Variants in SNX17 observed in about 807,000 individuals in gnomAD.
The protein encoded by SNX17 is sorting nexin 17, also known as sorting nexin-17.
In SNX17, 35 loss-of-function variants were observed where a neutral mutation model predicts 64.3. That is an observed-to-expected ratio of 0.54 (90% CI 0.42 to 0.72). SNX17 has a LOEUF of 0.72. Ranked by LOEUF, SNX17 falls within the 30% of genes least tolerant of loss-of-function variation. The pLI, the probability that SNX17 is intolerant of heterozygous loss-of-function variation, is 0.00. For synonymous variants in SNX17, 259 were observed against 230.2 expected, an observed-to-expected ratio of 1.13 and a Z score of -1.13; for missense variants, 538 against 610.0, an observed-to-expected ratio of 0.88 and a Z score of 1.24.
At position 27,375,400 on chromosome 2, in the gene SNX17, A is replaced by ATAAATCCTC. The variant is rs1683090011; in HGVS notation, c.775-106_775-105insTAAATCCTC. On this transcript the variant is annotated intron_variant, in intron 9 of 14. Transcript: ENST00000233575. This position sits in a 1 kb window ranked among gnomAD's most constrained non-coding sequence, Gnocchi z 4.1. ...TGATCTGTCTGCCTCTGCCTCCTAA[A>ATAAATCCTC]GTGCTGGGATTATAGGCATGAGCCA... The ATAAATCCTC allele has an allele frequency of 1.0e-5, 12 of 1,189,920 alleles. No individual in the cohort carries two copies. Among genetic ancestry groups the ATAAATCCTC allele is most frequent in the Non-Finnish European group, 1.5e-5 (12 of 820,632 alleles). The allele number at this position is 1,189,920 out of a possible 1,614,324, so 73.7% of individuals were successfully genotyped here.
At chr2:27,374,957 T>C (rs1683020617) in intron 8 of SNX17, 104 bp from the exon 9 acceptor site, 1 of 1,139,030 alleles carries the variant, frequency 8.8e-7, no homozygotes. Flanking sequence ...GAGAGGTCGC[T>C]CAAGTGTGGG....
At chr2:27,371,196 C>T (rs1682484550) in intron 1 of SNX17, 73 bp from the exon 2 acceptor site, 8 of 1,422,402 alleles carry the variant, frequency 5.6e-6, no homozygotes, top group Non-Finnish European at 7.9e-6. Flanking sequence ...TGCCAGGCAA[C>T]TTCCGGCCAG....
Position 27,375,562 on chromosome 2 carries a change from T to C in SNX17, c.831T>C (p.Cys277=), listed in dbSNP as rs1683112191. ...ATGGCTACTTGCGCTTTGATGCCTGTGTGGCTGACTTCCCAGAAAAGGACT... is the reference window on the plus strand; with the variant it reads ...ATGGCTACTTGCGCTTTGATGCCTGCGTGGCTGACTTCCCAGAAAAGGACT... ...RHYGYLRFDA[C]VADFPEKDCP... is the part of the protein sequence containing the mutation. Residue 277 remains cysteine, a synonymous_variant, in exon 10 of 15, where the codon TGT becomes TGC. Transcript: ENST00000233575. The surrounding 1 kb of genome is among the most constrained non-coding windows in gnomAD (Gnocchi z 4.1). 1 of 1,614,090 alleles carries C rather than the reference T, an allele frequency of 6.2e-7. No individual in the cohort carries two copies. The highest frequency in any genetic ancestry group is 1.3e-5 in the African/African-American group (1 of 74,930).
chr2:27,375,270 C>G lies in SNX17; in HGVS notation c.774+117C>G. The G allele has an allele frequency of 2.9e-6, 3 of 1,028,204 alleles. No individual in the cohort carries two copies. The highest frequency in any genetic ancestry group is 1.5e-5 in the South Asian group (1 of 67,370). 63.7% of individuals were successfully genotyped at this position (1,028,204 alleles called of 1,614,324 possible). A position where few individuals can be genotyped will look rare whatever the true frequency, so the allele number is the denominator to read the frequency against. Reference sequence around the variant, plus strand: ...TCTCCCGCCTCAGCCTCCCGAGTAGCTGGGACTACAGGCACCCGCCACGAC... The same window carrying G: ...TCTCCCGCCTCAGCCTCCCGAGTAGGTGGGACTACAGGCACCCGCCACGAC... On this transcript the variant is annotated intron_variant, in intron 9 of 14. Transcript: ENST00000233575. The surrounding 1 kb of genome is among the most constrained non-coding windows in gnomAD (Gnocchi z 4.1).
intron 8 of SNX17, 77 bp downstream of exon 8, chr2:27,374,835 C>T (rs1309274611): frequency 3.0e-5 from 41 of 1,389,516 alleles, no homozygotes; most frequent in South Asian, 7.0e-5. Flanking sequence ...AAACTGCTGT[C>T]GTGTCTTTGT....
chr2:27,375,441 GT>G lies in SNX17; in HGVS notation c.775-63del. On this transcript the variant is annotated intron_variant, in intron 9 of 14. Coordinates refer to ENST00000233575, the MANE Select transcript of SNX17 (RefSeq NM_014748.4). This position sits in a 1 kb window ranked among gnomAD's most constrained non-coding sequence, Gnocchi z 4.1. ...GCATGAGCCACCGCGCCCGACCGGG[GT>G]TGCTTTTTCTGAGCTGCCCCATTCT... The G allele has an allele frequency of 6.3e-7, 1 of 1,584,290 alleles. No homozygotes were observed. Among genetic ancestry groups the G allele is most frequent in the Non-Finnish European group, 8.6e-7 (1 of 1,156,070 alleles).
rs777601214 is a variant in SNX17, at chr2:27,375,530, C to T, written c.799C>T (p.Arg267Trp). The part of the protein sequence containing the change: ...KEFLRLAQTL[R>W]HYGYLRFDAC... ...GTTCCTGAGACTGGCCCAGACGCTG[C>T]GGCACTATGGCTACTTGCGCTTTGA... Residue 267 changes from arginine (R) to tryptophan (W), a missense_variant, in exon 10 of 15, where the codon CGG (arginine) becomes TGG (tryptophan). Physicochemically the swap from Arg to Trp is moderately radical, Grantham distance 101. Transcript: ENST00000233575. The surrounding 1 kb of genome is among the most constrained non-coding windows in gnomAD (Gnocchi z 4.1). The T allele has an allele frequency of 4.3e-6, 7 of 1,613,986 alleles. No homozygotes were observed. In the African/African-American group the frequency reaches 5.3e-5, roughly 12 times the overall value.
rs1300071166 is a variant in SNX17 at position 27,377,265 on chromosome 2, TGAAATAA to T, written c.*548_*554del. On this transcript the variant is annotated 3_prime_UTR_variant, in exon 15 of 15. Transcript: ENST00000233575. This position sits in a 1 kb window ranked among gnomAD's most constrained non-coding sequence, Gnocchi z 4.4. ...TAGTGTTTCCTTTATTATAAAGCAC[TGAAATAA>T]GTTAAATAAACAGGTGGGAGGCTGG... 2 of 595,422 alleles carry T rather than the reference TGAAATAA, an allele frequency of 3.4e-6. No individual in the cohort carries two copies. The highest frequency in any genetic ancestry group is 3.7e-5 in the African/African-American group (2 of 53,698). 36.9% of individuals were successfully genotyped at this position (595,422 alleles called of 1,614,324 possible).
chr2:27,373,391 C>T, intron 4 of SNX17, 80 bp downstream of exon 4: 3 of 1,479,008 alleles, frequency 2.0e-6, no homozygotes, highest in South Asian at 2.3e-5. Context: ...GAGACAGAGT[C>T]TTGCTCTTTT....
chr2:27,370,686 T>G lies in SNX17; in HGVS notation c.-58T>G. 2 of 1,508,286 alleles carry G rather than the reference T, an allele frequency of 1.3e-6. No homozygotes were observed. Among genetic ancestry groups the G allele is most frequent in the African/African-American group, 2.8e-5 (2 of 72,042 alleles). 93.4% of individuals were successfully genotyped at this position (1,508,286 alleles called of 1,614,324 possible). ...CTCGCTGAGCAGCGGAGGGGGAGCG[T>G]GCAGAGCCGCTGCGGCCCTCACAGT... is the stretch of plus-strand genomic sequence containing the variant. On this transcript the variant is annotated 5_prime_UTR_variant, in exon 1 of 15. Coordinates refer to ENST00000233575, the MANE Select transcript of SNX17 (RefSeq NM_014748.4).
At chr2:27,373,477 C>G (rs995148124) in intron 4 of SNX17, 166 bp downstream of exon 4, 178 of 656,268 alleles carry the variant, frequency 2.7e-4, no homozygotes, top group Non-Finnish European at 5.2e-5. Context: ...ATTCTCCTGC[C>G]TCAGCCTCCC....
chr2:27,371,530 C>T (rs76476582), intron 2 of SNX17, 187 bp downstream of exon 2: 59,659 of 1,218,196 alleles, frequency 0.049, 1,723 homozygotes, highest in Non-Finnish European at 0.056. Context: ...TTAATGTCCG[C>T]GCAACAACTG....
intron 11 of SNX17, 62 bp from the exon 12 acceptor site, chr2:27,376,044 A>G (rs371111810): frequency 1.4e-4 from 222 of 1,613,776 alleles, no homozygotes; most frequent in Admixed American, 4.0e-4. Flanking sequence ...TATGGGAGGC[A>G]TTAGTGGTGC....
intron 5 of SNX17, 54 bp downstream of exon 5, chr2:27,374,025 G>A: frequency 6.2e-7 from 1 of 1,610,114 alleles, no homozygotes; most frequent in Non-Finnish European, 8.5e-7. Flanking sequence ...GGGGTCCTGG[G>A]CTTGGAGAAT....
intron 2 of SNX17, 25 bp downstream of exon 2, chr2:27,371,368 G>C (rs886409046): frequency 6.2e-7 from 1 of 1,602,072 alleles, no homozygotes; most frequent in Non-Finnish European, 8.5e-7. Context: ...CCTGCCTTGA[G>C]ACAGCTTCAA....
At chr2:27,371,958 CACTGCA>C (rs1258826354) in intron 2 of SNX17, among the ~76,000 whole-genome samples, 1 of 152,196 alleles carries the variant, frequency 6.6e-6, no homozygotes, top group African/African-American at 2.4e-5. Flanking sequence ...GATCTCGGCT[CACTGCA>C]ACCTCTGCCT....
chr2:27,376,457 A>G (rs1216196294), intron 13 of SNX17, 22 bp from the exon 14 acceptor site: 1 of 1,614,018 alleles, frequency 6.2e-7, no homozygotes, highest in Admixed American at 1.7e-5. Context: ...AGTTTCTGAC[A>G]CCTCTGCCTC....
intron 4 of SNX17, 25 bp downstream of exon 4, chr2:27,373,336 T>G (rs1682828311): frequency 6.2e-7 from 1 of 1,612,858 alleles, no homozygotes; most frequent in African/African-American, 1.3e-5. Context: ...GGGACCAAGA[T>G]TTAAGGAAAG....
intron 2 of SNX17, 116 bp from the exon 3 acceptor site, chr2:27,372,507 G>A (rs1314291797): frequency 7.6e-6 from 11 of 1,443,506 alleles, no homozygotes; most frequent in African/African-American, 1.5e-5. Flanking sequence ...GGGTAGACAG[G>A]GGAACAGGGA....
Sources: gnomAD v4.1 joint callset for allele counts (sites outside exome capture counted in the v4.1 genomes callset) on GRCh38, gnomAD v4.1.1 for gene constraint, Gnocchi (gnomAD v3.1) non-coding constraint, MANE v1.5 for transcripts, NCBI Gene and HGNC (gene_info 2026-07-23, HGNC 2026-07-21) for gene names.